The following NEIL3 variants were observed in gnomAD, a reference collection of about 807,000 sequenced individuals.
NEIL3 encodes the protein nei like DNA glycosylase 3.
In NEIL3, 48 loss-of-function variants were observed where a neutral mutation model predicts 57.5. The observed-to-expected ratio is 0.83, with a 90% CI of 0.66 to 1.06. The LOEUF (loss-of-function observed/expected upper bound fraction) is 1.06, where lower values mean the gene tolerates loss of function less well. NEIL3 is among the 50% of genes least tolerant of loss of function. The pLI is 0.00. For synonymous variants in NEIL3, 261 were observed against 253.2 expected (o/e 1.03, Z -0.29); for missense variants, 717 against 739.1 (o/e 0.97, Z 0.35).
At chr4:177,363,955 G>A (rs144173917), downstream of NEIL3, among the ~76,000 whole-genome samples, 61 of 152,154 alleles carry the variant, frequency 4.0e-4, no homozygotes, top group African/African-American at 1.4e-3. Flanking sequence ...TTGCCATACC[G>A]CCCAGGCTGG....
At chr4:177,328,813 A>T (rs1226480512) in intron 2 of NEIL3, among the ~76,000 whole-genome samples, 2 of 152,174 alleles carry the variant, frequency 1.3e-5, no homozygotes, top group Non-Finnish European at 2.9e-5. Context: ...AGCAAGCATA[A>T]TAACAATTTA....
intron 6 of NEIL3, among the ~76,000 whole-genome samples, chr4:177,347,410 GGT>G (rs1735245942): frequency 6.6e-6 from 1 of 152,106 alleles, no homozygotes. Context: ...GCCTTTGGAG[GGT>G]TTTGAACGGG....
At position 177,310,021 on chromosome 4, in the gene NEIL3, C is replaced by A; in HGVS notation, c.68C>A (p.Ala23Glu). The A allele has an allele frequency of 1.9e-6, 3 of 1,610,224 alleles. No homozygotes were observed. The highest frequency in any genetic ancestry group is 2.5e-6 in the Non-Finnish European group (3 of 1,178,862). ...KIRARVLPGQ[A>E]VTGVRGSALR... ...CGCGCGCGGGTGCTCCCGGGCCAGGCGGTGACCGGCGTGCGGGGAAGCGCT... is the reference window on the plus strand; with the variant it reads ...CGCGCGCGGGTGCTCCCGGGCCAGGAGGTGACCGGCGTGCGGGGAAGCGCT... The change falls in exon 1 of 10, where the codon GCG becomes GAG. Residue 23 changes from alanine to glutamate, a missense_variant. Coordinates refer to ENST00000264596, the MANE Select transcript of NEIL3 (RefSeq NM_018248.3).
chr4:177,356,978 C>T (rs527670011), intron 8 of NEIL3: 1 of 152,238 alleles, frequency 6.6e-6, no homozygotes, highest in South Asian at 2.1e-4. Flanking sequence ...ATAACAAAAT[C>T]ATTAATATTT....
intron 2 of NEIL3, among the ~76,000 whole-genome samples, chr4:177,332,202 G>C (rs1734897283): frequency 6.6e-6 from 1 of 152,204 alleles, no homozygotes; most frequent in South Asian, 2.1e-4. Flanking sequence ...GCACCTGTGG[G>C]TGTACTTGGG....
At chr4:177,312,591 G>A (rs12648231) in intron 1 of NEIL3, among the ~76,000 whole-genome samples, 10,993 of 152,000 alleles carry the variant, frequency 0.072, 494 homozygotes, top group Admixed American at 0.1. Flanking sequence ...ATACAAATGC[G>A]TCAGTAATGG....
chr4:177,352,706 C>T (rs1000903006), intron 7 of NEIL3, among the ~76,000 whole-genome samples: 1 of 151,788 alleles, frequency 6.6e-6, no homozygotes, highest in African/African-American at 2.4e-5. Flanking sequence ...GGCGGGTGCC[C>T]GTAATCCCAG....
chr4:177,362,205 G>A lies in NEIL3; in HGVS notation c.1636-84G>A, dbSNP rs960915074. On this transcript the variant is annotated intron_variant, in intron 9 of 9. Coordinates refer to ENST00000264596, the MANE Select transcript of NEIL3 (RefSeq NM_018248.3). ...TGATAACAGCAGTGAAGACTATATG[G>A]CACTAATCACATGTGCCTAGGGTTA... 5 of 961,388 alleles carry A rather than the reference G, an allele frequency of 5.2e-6. No homozygotes were observed. The African/African-American group carries it at 6.7e-5, about 13-fold the overall frequency. The allele number at this position is 961,388 out of a possible 1,614,324, so 59.6% of individuals were successfully genotyped here.
chr4:177,367,578 C>T (rs990607130), downstream of NEIL3, among the ~76,000 whole-genome samples: 5 of 152,242 alleles, frequency 3.3e-5, no homozygotes, highest in African/African-American at 9.6e-5. Context: ...ACATTGACTC[C>T]CACAGCAGCA....
At chr4:177,310,887 T>C (rs1255673583) in intron 1 of NEIL3, among the ~76,000 whole-genome samples, 1 of 152,258 alleles carries the variant, frequency 6.6e-6, no homozygotes, top group African/African-American at 2.4e-5. Flanking sequence ...TTATAGCCTT[T>C]GGTCCTGGAA....
intron 2 of NEIL3, among the ~76,000 whole-genome samples, chr4:177,326,784 G>GT (rs1288503615): frequency 2.0e-5 from 3 of 151,932 alleles, no homozygotes; most frequent in African/African-American, 4.8e-5. Context: ...AACTAAGTGG[G>GT]TTTTTTTGGA....
At chr4:177,345,927 G>A (rs2110919502) in intron 6 of NEIL3, among the ~76,000 whole-genome samples, 2 of 151,888 alleles carry the variant, frequency 1.3e-5, no homozygotes, top group South Asian at 4.2e-4. Flanking sequence ...CTTACCTCAG[G>A]TGATCCATCC....
At chr4:177,370,471 G>A in the NEIL3 span, among the ~76,000 whole-genome samples, 1 of 152,278 alleles carries the variant, frequency 6.6e-6, no homozygotes, top group East Asian at 1.9e-4. Context: ...TCGAGAAGGG[G>A]TAAATCCTGT....
the NEIL3 span, among the ~76,000 whole-genome samples, chr4:177,368,707 T>C: frequency 2.0e-5 from 3 of 152,218 alleles, no homozygotes; most frequent in African/African-American, 7.2e-5. Context: ...TATTCAAACA[T>C]GAAGGCAGTG....
chr4:177,317,597 C>CTTTTTTT lies in NEIL3; in HGVS notation c.157-4844_157-4838dup, dbSNP rs745358876. On this transcript the variant is annotated intron_variant, in intron 1 of 9. Coordinates refer to ENST00000264596, the MANE Select transcript of NEIL3 (RefSeq NM_018248.3). ...TTTTCCACGGTTAGAACTTTCTTTT[C>CTTTTTTT]TTTTTTTTTTTTTTTTTTTTTTTTG... 5.3e-3 allele frequency among the ~76,000 whole-genome samples: 373 copies of CTTTTTTT among 70,068 alleles called. 14 individuals carry two copies. Among genetic ancestry groups the CTTTTTTT allele is most frequent in the East Asian group, 0.024 (55 of 2,262 alleles). 46.0% of individuals were successfully genotyped at this position (70,068 alleles called of 152,430 possible). A position where few individuals can be genotyped will look rare whatever the true frequency, so the allele number is the denominator to read the frequency against.
intron 6 of NEIL3, chr4:177,343,742 A>T (rs1003775260): frequency 8.2e-5 from 12 of 146,374 alleles, no homozygotes; most frequent in Admixed American, 6.1e-4. Flanking sequence ...AGATAATTTT[A>T]TATATATATA....
chr4:177,313,940 A>G (rs1158437681), intron 1 of NEIL3, among the ~76,000 whole-genome samples: 1 of 152,196 alleles, frequency 6.6e-6, no homozygotes, highest in Non-Finnish European at 1.5e-5. Context: ...TGCATGTTAT[A>G]TGGAAATTCC....
chr4:177,328,392 C>G (rs757962663), intron 2 of NEIL3, among the ~76,000 whole-genome samples: 1 of 152,116 alleles, frequency 6.6e-6, no homozygotes, highest in Non-Finnish European at 1.5e-5. Context: ...GTCCCTCACA[C>G]GTACCTAGCC....
chr4:177,365,258 T>A (rs1735678549), downstream of NEIL3, among the ~76,000 whole-genome samples: 1 of 152,120 alleles, frequency 6.6e-6, no homozygotes, highest in Non-Finnish European at 1.5e-5. Flanking sequence ...AGTGTGAGCA[T>A]GTGAGTGTGA....
Sources: gnomAD v4.1 joint callset for allele counts (sites outside exome capture counted in the v4.1 genomes callset) on GRCh38, gnomAD v4.1.1 for gene constraint, MANE v1.5 for transcripts, NCBI Gene and HGNC (gene_info 2026-07-23, HGNC 2026-07-21) for gene names.